Variants in BBS2 observed in about 807,000 individuals in gnomAD.
BBS2 encodes BBSome complex member BBS2.
In BBS2, 62 loss-of-function variants were observed where a neutral mutation model predicts 83.0. That is an observed-to-expected ratio of 0.75 (90% CI 0.61 to 0.92). The LOEUF (loss-of-function observed/expected upper bound fraction) is 0.92, where lower values mean the gene tolerates loss of function less well. Ranked by LOEUF, BBS2 falls within the 40% of genes least tolerant of loss-of-function variation. BBS2 has a pLI of 0.00. For missense variants in BBS2, 784 were observed against 901.0 expected (o/e 0.87, Z 1.66); for synonymous variants, 303 against 326.1 (o/e 0.93, Z 0.76).
intron 15 of BBS2, 45 bp downstream of exon 15, chr16:56,496,922 C>T (rs1308432443): frequency 7.3e-7 from 1 of 1,365,528 alleles, no homozygotes; most frequent in Non-Finnish European, 1.0e-6. Flanking sequence ...CCATACTGCT[C>T]ACATTTTTAA....
intron 2 of BBS2, 66 bp downstream of exon 2, chr16:56,514,384 CTCT>C (rs1333785346): frequency 1.6e-5 from 23 of 1,400,668 alleles, no homozygotes; most frequent in East Asian, 2.3e-5. Context: ...ATGATCTGAT[CTCT>C]TCTAAGCATA....
At chr16:56,471,950 C>T (rs1473242666) in intron 17 of BBS2, among the ~76,000 whole-genome samples, 6 of 143,596 alleles carry the variant, frequency 4.2e-5, no homozygotes, top group Admixed American at 3.4e-4. Context: ...AACTTATCCA[C>T]TTCTGTTTGT....
At chr16:56,508,091 T>C (rs891129864) in intron 5 of BBS2, among the ~76,000 whole-genome samples, 28 of 152,266 alleles carry the variant, frequency 1.8e-4, no homozygotes, top group African/African-American at 6.5e-4. Flanking sequence ...TACATCATGA[T>C]AACTGTGAAT....
chr16:56,499,789 G>A lies in BBS2; in HGVS notation c.1516C>T (p.Arg506Trp), dbSNP rs560253338. The change falls in exon 12 of 17, where the codon CGG (arginine) becomes TGG (tryptophan). Residue 506 changes from arginine to tryptophan, a missense_variant. Transcript: ENST00000245157. ...ISYVNFTIAE[R>W]AQRVVVWLGQ... Reference sequence around the variant, plus strand: ...AGCGAGATACTCACCCTCTGTGCCCGTTCTGCAATGGTAAAGTTAACATAA... The same window carrying A: ...AGCGAGATACTCACCCTCTGTGCCCATTCTGCAATGGTAAAGTTAACATAA... 36 of 1,614,086 alleles carry A rather than the reference G, an allele frequency of 2.2e-5. No homozygotes were observed. The African/African-American group carries it at 3.1e-4, about 14-fold the overall frequency.
chr16:56,519,696 G>A (rs780725336), intron 1 of BBS2, 50 bp downstream of exon 1: 3 of 1,466,422 alleles, frequency 2.0e-6, no homozygotes, highest in Admixed American at 3.4e-5. Context: ...GGCCGGCGGA[G>A]ATCCTGTGGT....
In BBS2 at chr16:56,519,922, C is replaced by T; in HGVS notation, c.-60G>A. The T allele has an allele frequency of 6.9e-7, 1 of 1,454,068 alleles. No homozygotes were observed. The highest frequency in any genetic ancestry group is 9.6e-7 in the Non-Finnish European group (1 of 1,038,342). 90.1% of individuals were successfully genotyped at this position (1,454,068 alleles called of 1,614,324 possible). On this transcript the variant is annotated 5_prime_UTR_variant, in exon 1 of 17. Coordinates refer to ENST00000245157, the MANE Select transcript of BBS2 (RefSeq NM_031885.5). Reference sequence around the variant, plus strand: ...TGGAGACAAGCGCAGCGGAGCTGGCCTCACGCGCCCGGGCAAGAAGTGCAG... The same window carrying T: ...TGGAGACAAGCGCAGCGGAGCTGGCTTCACGCGCCCGGGCAAGAAGTGCAG...
chr16:56,504,890 G>A (rs1358733626), intron 7 of BBS2, among the ~76,000 whole-genome samples: 1 of 152,152 alleles, frequency 6.6e-6, no homozygotes, highest in Non-Finnish European at 1.5e-5. Context: ...GCTTGTGAGA[G>A]GTGATTAGGT....
chr16:56,510,872 T>A lies in BBS2; in HGVS notation c.521A>T (p.Asp174Val). The change falls in exon 4 of 17, where the codon GAT (aspartate) becomes GTT (valine). Residue 174 changes from aspartate (D) to valine (V), a missense_variant. By Grantham distance (152) the Asp-to-Val change is radical. Coordinates refer to ENST00000245157, the MANE Select transcript of BBS2 (RefSeq NM_031885.5). Reference sequence around the variant, plus strand: ...TCCCCCACATACCTCTTTCTTTCCATCACCATCAAAGTCACACAAGGCCAA... The same window carrying A: ...TCCCCCACATACCTCTTTCTTTCCAACACCATCAAAGTCACACAAGGCCAA... ...NSLALCDFDG[D>V]GKKELLVGSE... 1 of 1,614,092 alleles carries A rather than the reference T, an allele frequency of 6.2e-7. No individual in the cohort carries two copies. The highest frequency in any genetic ancestry group is 8.5e-7 in the Non-Finnish European group (1 of 1,180,018).
chr16:56,508,575 G>A (rs995666683), intron 5 of BBS2, among the ~76,000 whole-genome samples: 7 of 151,986 alleles, frequency 4.6e-5, no homozygotes, highest in Admixed American at 1.3e-4. Flanking sequence ...AAAGGATACA[G>A]GTAATCTTTA....
intron 15 of BBS2, among the ~76,000 whole-genome samples, chr16:56,488,307 C>T (rs547241633): frequency 2.0e-5 from 3 of 152,306 alleles, no homozygotes; most frequent in South Asian, 4.1e-4. Context: ...AGATTAAGGG[C>T]TCAGTCCCAC....
In BBS2 at chr16:56,501,358, G is replaced by A. The variant is rs1428784861; in HGVS notation, c.1220C>T (p.Ser407Phe). The change falls in exon 10 of 17, where the codon TCT (serine) becomes TTT (phenylalanine). Residue 407 changes from serine (S) to phenylalanine (F), a missense_variant. Physicochemically the swap from Ser to Phe is radical, Grantham distance 155. Coordinates refer to ENST00000245157, the MANE Select transcript of BBS2 (RefSeq NM_031885.5). ...TAHTELRIST[S>F]NDTIIRAVLI... The stretch of plus-strand genomic sequence containing the variant: ...AGCTGTGAGTACTGTCTTACCATTA[G>A]AAGTGGAAATGCGTAATTCTGTATG... The A allele has an allele frequency of 4.3e-6, 7 of 1,613,838 alleles. No individual in the cohort carries two copies. In the Admixed American group the frequency reaches 1.0e-4, roughly 23 times the overall value.
At position 56,474,825 on chromosome 16, in the gene BBS2, T is replaced by C. The variant is rs368808099; in HGVS notation, c.*1-4130A>G. ...AGTTTCTCATCTTTTTTTTTTTCCT[T>C]AGAATCAAGTGTTCCCATGTGCCAA... On this transcript the variant is annotated intron_variant, in intron 17 of 17. Coordinates refer to the BBS2 transcript ENST00000682047. The C allele has an allele frequency of 3.8e-5, 60 of 1,594,036 alleles. No individual in the cohort carries two copies. In the African/African-American group the frequency reaches 7.6e-4, roughly 20 times the overall value.
At chr16:56,493,383 C>CA (rs1177705335) in intron 15 of BBS2, among the ~76,000 whole-genome samples, 429 of 23,740 alleles carry the variant, frequency 0.018, 12 homozygotes, top group East Asian at 0.03. Context: ...GACCTTGTCT[C>CA]AAAAAAAAAA....
At chr16:56,470,421 C>G (rs1596983453), downstream of BBS2, 3 of 1,422,752 alleles carry the variant, frequency 2.1e-6, no homozygotes, top group Non-Finnish European at 2.9e-6. Flanking sequence ...TAACGATCAG[C>G]TTTTATTCTG....
intron 17 of BBS2, chr16:56,476,421 CT>C (rs369101951): frequency 0.085 from 23,236 of 273,696 alleles, 2 homozygotes; most frequent in Middle Eastern, 0.12. Context: ...AAAAAGTTGG[CT>C]TTTTTTTTTT....
downstream of BBS2, among the ~76,000 whole-genome samples, chr16:56,480,376 A>AAAAAAAAAAAAAAC (rs1555519799): frequency 7.2e-4 from 103 of 142,422 alleles, no homozygotes; most frequent in South Asian, 1.1e-3. Context: ...CAAAAAAAAA[A>AAAAAAAAAAAAAAC]ACAAAGCTTG....
intron 5 of BBS2, among the ~76,000 whole-genome samples, chr16:56,507,424 C>G (rs150023664): frequency 5.3e-5 from 8 of 152,284 alleles, no homozygotes; most frequent in African/African-American, 1.9e-4. Flanking sequence ...TCAAAGAATT[C>G]AGTCTCCTCA....
At chr16:56,487,452 T>G (rs575679715) in intron 15 of BBS2, among the ~76,000 whole-genome samples, 1 of 152,266 alleles carries the variant, frequency 6.6e-6, no homozygotes, top group South Asian at 2.1e-4. Context: ...ACCATAATTA[T>G]AGAATAAGAT....
intron 17 of BBS2, among the ~76,000 whole-genome samples, chr16:56,472,058 C>T (rs2144040988): frequency 6.6e-6 from 1 of 152,182 alleles, no homozygotes; most frequent in South Asian, 2.1e-4. Context: ...ACCTCCTAGG[C>T]TCGAGCGATC....
Sources: gnomAD v4.1 joint callset for allele counts (sites outside exome capture counted in the v4.1 genomes callset) on GRCh38, gnomAD v4.1.1 for gene constraint, MANE v1.5 for transcripts, NCBI Gene and HGNC (gene_info 2026-07-23, HGNC 2026-07-21) for gene names.